The following ADGRF1 variants were observed in gnomAD, a reference collection of about 807,000 sequenced individuals.
The protein encoded by ADGRF1 is adhesion G protein-coupled receptor F1.
In ADGRF1, 85 loss-of-function variants were observed where a neutral mutation model predicts 87.2. That is an observed-to-expected ratio of 0.97 (90% CI 0.82 to 1.17). The LOEUF is 1.17. Ranked by LOEUF, ADGRF1 falls within the 50% of genes most tolerant of loss-of-function variation. ADGRF1 has a pLI of 0.00. For synonymous variants in ADGRF1, 430 were observed against 408.8 expected, an observed-to-expected ratio of 1.05 and a Z score of -0.63; for missense variants, 1,169 against 1,077.2, an observed-to-expected ratio of 1.09 and a Z score of -1.19.
chr6:47,015,927 G>A (rs533705941), intron 8 of ADGRF1, among the ~76,000 whole-genome samples: 18 of 151,836 alleles, frequency 1.2e-4, no homozygotes, highest in African/African-American at 3.9e-4. Context: ...TAGTAGAGTC[G>A]GGGTTTCACC....
At chr6:47,008,089 A>C (rs1311045910) in intron 11 of ADGRF1, among the ~76,000 whole-genome samples, 1 of 152,188 alleles carries the variant, frequency 6.6e-6, no homozygotes, top group Non-Finnish European at 1.5e-5. Context: ...AAGATGAGAG[A>C]ATTGAGAGAC....
chr6:47,020,762 C>T lies in ADGRF1; in HGVS notation c.580G>A (p.Gly194Ser), dbSNP rs763619068. Residue 194 changes from glycine to serine, a missense_variant, in exon 7 of 15, where the codon GGT (glycine) becomes AGT (serine). Physicochemically the swap from Gly to Ser is moderately conservative, Grantham distance 56 (BLOSUM62 0). Transcript: ENST00000371253. ...TGGGTGACCTGAACCGACTCAAAAC[C>T]TTGAATTCTTTCATATGCTTTTTTA... ...QLKKAYERIQGFESVQVTQFR... is the reference protein window; with the variant it reads ...QLKKAYERIQSFESVQVTQFR... The T allele has an allele frequency of 6.2e-7, 1 of 1,613,756 alleles. No homozygotes were observed. The highest frequency in any genetic ancestry group is 8.5e-7 in the Non-Finnish European group (1 of 1,179,812).
intron 1 of ADGRF1, among the ~76,000 whole-genome samples, chr6:47,029,767 A>G (rs1780354445): frequency 6.6e-6 from 1 of 152,246 alleles, no homozygotes; most frequent in African/African-American, 2.4e-5. Context: ...AATTTCAATT[A>G]CAGTTAAAAT....
At chr6:47,007,345 A>G (rs776685941) in intron 11 of ADGRF1, 51 bp from the exon 12 acceptor site, 1 of 1,168,088 alleles carries the variant, frequency 8.6e-7, no homozygotes, top group Non-Finnish European at 1.3e-6. Flanking sequence ...CTTTTCCAAA[A>G]AAGAAAGCAT....
intron 12 of ADGRF1, among the ~76,000 whole-genome samples, chr6:47,006,876 T>C (rs942926787): frequency 5.9e-5 from 9 of 152,200 alleles, no homozygotes; most frequent in Non-Finnish European, 1.3e-4. Flanking sequence ...GAAGTAGATA[T>C]ATATTTCAGC....
chr6:47,020,421 G>T (rs1403577386), intron 7 of ADGRF1: 2 of 983,844 alleles, frequency 2.0e-6, no homozygotes, highest in African/African-American at 1.7e-5. Flanking sequence ...TCTTGAACCC[G>T]GTAGGCAGAG....
intron 5 of ADGRF1, among the ~76,000 whole-genome samples, chr6:47,022,544 C>A (rs1561875316): frequency 6.6e-6 from 1 of 152,342 alleles, no homozygotes; most frequent in Non-Finnish European, 1.5e-5. Context: ...CAAATATCAT[C>A]TCTTCCACAA....
intron 1 of ADGRF1, among the ~76,000 whole-genome samples, chr6:47,031,461 C>T (rs1199183518): frequency 6.6e-6 from 1 of 151,884 alleles, no homozygotes. Flanking sequence ...CTGAGGACAG[C>T]TCTGGGCATT....
chr6:47,012,947 A>G (rs1779753554), intron 9 of ADGRF1: 1 of 598,458 alleles, frequency 1.7e-6, no homozygotes, highest in Non-Finnish European at 2.1e-6. Context: ...TTGTTTTTGT[A>G]TCCTTAGTAG....
chr6:47,037,405 A>G (rs76401629), intron 1 of ADGRF1, among the ~76,000 whole-genome samples: 4 of 152,132 alleles, frequency 2.6e-5, no homozygotes, highest in South Asian at 2.1e-4. Flanking sequence ...TTTGTAGTTC[A>G]TCTTTAAAAC....
chr6:47,011,269 A>C (rs1779697950), intron 10 of ADGRF1, among the ~76,000 whole-genome samples: 1 of 152,212 alleles, frequency 6.6e-6, no homozygotes, highest in Non-Finnish European at 1.5e-5. Flanking sequence ...ACTGATATTT[A>C]GTGTCACTTC....
At position 47,012,043 on chromosome 6, in the gene ADGRF1, C is replaced by CAGTG; in HGVS notation, c.1076_1079dup (p.Ala361ThrfsTer20). On this transcript the variant is annotated frameshift_variant, in exon 10 of 15. Coordinates refer to ENST00000371253, the MANE Select transcript of ADGRF1 (RefSeq NM_153840.4). LOFTEE classifies it high-confidence loss of function. The stretch of plus-strand genomic sequence containing the variant: ...AATTGGACACCCTGAAATGGCTGGC[C>CAGTG]AGTGACAGAGATGAAATATTGCTCA... 1 of 1,613,944 alleles carries CAGTG rather than the reference C, an allele frequency of 6.2e-7. No individual in the cohort carries two copies. Among genetic ancestry groups the CAGTG allele is most frequent in the Non-Finnish European group, 8.5e-7 (1 of 1,179,930 alleles).
At chr6:47,038,067 G>A (rs1269695261) in intron 1 of ADGRF1, among the ~76,000 whole-genome samples, 1 of 152,092 alleles carries the variant, frequency 6.6e-6, no homozygotes, top group African/African-American at 2.4e-5. Context: ...CACCATGTTG[G>A]CCAGGTTGGT....
chr6:47,010,100 G>C lies in ADGRF1; in HGVS notation c.1335C>G (p.Tyr445Ter). 6.2e-7 allele frequency: 1 copy of C among 1,614,126 alleles called. No individual in the cohort carries two copies. The highest frequency in any genetic ancestry group is 8.5e-7 in the Non-Finnish European group (1 of 1,180,010). ...PVNKSQLKRG[Y>*]SYQIKMCPQN... ...GGGGACACATTTTAATCTGATAGCT[G>C]TAACCCCTTTTGAGTTGGCTTTTGT... The change falls in exon 11 of 15, where the codon TAC (tyrosine) becomes TAG (stop). Residue 445 changes from tyrosine (Y) to a stop codon, truncating the protein, a stop_gained. Transcript: ENST00000371253. LOFTEE classifies it high-confidence loss of function.
At chr6:47,017,654 C>G (rs1476868716) in intron 7 of ADGRF1, 1 of 150,398 alleles carries the variant, frequency 6.6e-6, no homozygotes, top group Non-Finnish European at 1.5e-5. Flanking sequence ...GAGGATGAAT[C>G]TCAATGACAT....
chr6:47,004,618 G>C (rs1397537147), intron 13 of ADGRF1, among the ~76,000 whole-genome samples: 2 of 152,012 alleles, frequency 1.3e-5, no homozygotes, highest in Non-Finnish European at 2.9e-5. Context: ...ATTCACTAAA[G>C]GTTTTATCTT....
chr6:47,037,960 A>G (rs1780636641), intron 1 of ADGRF1, among the ~76,000 whole-genome samples: 1 of 152,194 alleles, frequency 6.6e-6, no homozygotes, highest in Non-Finnish European at 1.5e-5. Flanking sequence ...TCCTGGGTTC[A>G]AGTGATTCTC....
Position 47,020,292 on chromosome 6 carries a change from A to G in ADGRF1, c.611+439T>C, listed in dbSNP as rs377559890. ...CGGATCACCTGAGGTCAGGAGTTTG[A>G]GACCAGTGTGGCCAACATGGTGAAA... On this transcript the variant is annotated intron_variant, in intron 7 of 14. Transcript: ENST00000371253. The G allele has an allele frequency of 3.5e-4, 387 of 1,097,308 alleles. 4 individuals are homozygous for G. The East Asian group carries it at 9.9e-3, about 28-fold the overall frequency. The allele number at this position is 1,097,308 out of a possible 1,614,324, so 68.0% of individuals were successfully genotyped here. A position where few individuals can be genotyped will look rare whatever the true frequency, so the allele number is the denominator to read the frequency against.
chr6:47,020,219 T>G, intron 7 of ADGRF1: 2 of 1,252,118 alleles, frequency 1.6e-6, no homozygotes, highest in Non-Finnish European at 2.0e-6. Flanking sequence ...CTAGGCCAGA[T>G]GTGGTGGCTC....
Sources: allele counts gnomAD v4.1 joint callset (sites outside exome capture counted in the v4.1 genomes callset), GRCh38; gene constraint gnomAD v4.1.1; transcripts MANE v1.5; gene names NCBI Gene and HGNC (gene_info 2026-07-23, HGNC 2026-07-21).